The following PLXND1 variants were observed in gnomAD, a reference collection of about 807,000 sequenced individuals.
PLXND1 encodes the protein plexin-D1.
Under a neutral mutation model 197.7 loss-of-function variants are expected in PLXND1, and 54 were observed. That is an observed-to-expected ratio of 0.27 (90% CI 0.22 to 0.34). PLXND1 has a LOEUF of 0.34. Ranked by LOEUF, PLXND1 falls within the 10% of genes least tolerant of loss-of-function variation. The pLI is 1.00. For missense variants in PLXND1, 2,127 were observed against 2,699.2 expected, an observed-to-expected ratio of 0.79 and a Z score of 4.70; for synonymous variants, 1,180 against 1,161.2, an observed-to-expected ratio of 1.02 and a Z score of -0.33.
intron 12 of PLXND1, 38 bp downstream of exon 12, chr3:129,574,298 G>A: frequency 6.5e-7 from 1 of 1,545,448 alleles, no homozygotes; most frequent in Non-Finnish European, 8.7e-7. Flanking sequence ...CGCCGTGCCG[G>A]AGTGCGGGTG....
chr3:129,585,450 C>G (rs1346046411), intron 5 of PLXND1, among the ~76,000 whole-genome samples: 1 of 152,228 alleles, frequency 6.6e-6, no homozygotes, highest in Non-Finnish European at 1.5e-5. Flanking sequence ...AGACCCAGCC[C>G]CCTGCATTGC....
chr3:129,580,347 C>G (rs978888334), intron 8 of PLXND1, among the ~76,000 whole-genome samples: 1 of 152,216 alleles, frequency 6.6e-6, no homozygotes, highest in African/African-American at 2.4e-5. Flanking sequence ...AGGAGGGGCC[C>G]AGACGGAGTC....
At chr3:129,560,796 G>A in intron 29 of PLXND1, 73 bp from the exon 30 acceptor site, 3 of 915,796 alleles carry the variant, frequency 3.3e-6, no homozygotes, top group Non-Finnish European at 5.5e-6. Flanking sequence ...ACAGAAAGAT[G>A]GAGTGAGAAA....
chr3:129,556,525 C>A, intron 35 of PLXND1, 92 bp downstream of exon 35: 1 of 1,332,476 alleles, frequency 7.5e-7, no homozygotes, highest in East Asian at 2.3e-5. Flanking sequence ...CGAGTGACAT[C>A]CGTCCATTAG....
At chr3:129,573,812 A>G in intron 12 of PLXND1, 67 bp from the exon 13 acceptor site, 3 of 1,544,174 alleles carry the variant, frequency 1.9e-6, no homozygotes, top group Non-Finnish European at 2.6e-6. Context: ...TTCTGCCCAC[A>G]GTCACAGGCA....
rs753430373 is a variant in PLXND1, at chr3:129,559,614, C to T, written c.5297+6G>A. 4 of 1,591,264 alleles carry T rather than the reference C, an allele frequency of 2.5e-6. No individual in the cohort carries two copies. The highest frequency in any genetic ancestry group is 2.2e-5 in the East Asian group (1 of 44,582). Reference sequence around the variant, plus strand: ...GTGAAGTCCACACGGCCCCCCCACCCGCCACCTGTTGGTCTTCCAGATGTG... The same window carrying T: ...GTGAAGTCCACACGGCCCCCCCACCTGCCACCTGTTGGTCTTCCAGATGTG... On this transcript the variant is annotated splice_donor_region_variant and intron_variant, in intron 32 of 35. Coordinates refer to ENST00000324093, the MANE Select transcript of PLXND1 (RefSeq NM_015103.3).
chr3:129,584,071 C>A, intron 7 of PLXND1, 54 bp downstream of exon 7: 1 of 1,184,924 alleles, frequency 8.4e-7, no homozygotes, highest in Non-Finnish European at 1.2e-6. Flanking sequence ...AGACCCTTCC[C>A]GGGGATGCGT....
intron 19 of PLXND1, among the ~76,000 whole-genome samples, chr3:129,570,498 G>T (rs1044432416): frequency 2.0e-5 from 3 of 152,192 alleles, no homozygotes; most frequent in Non-Finnish European, 4.4e-5. Flanking sequence ...ATGGTGCCTG[G>T]CAGCCCAGGC....
Position 129,572,844 on chromosome 3 carries a change from C to G in PLXND1, c.2935G>C (p.Val979Leu). Residue 979 changes from valine to leucine, a missense_variant and splice_region_variant, in exon 14 of 36, where the codon GTG becomes CTG. Around this residue, in one of 6 missense-constraint regions of PLXND1, gnomAD observed 1,095 missense variants for 1,259.8 expected, o/e 0.87. Coordinates refer to ENST00000324093, the MANE Select transcript of PLXND1 (RefSeq NM_015103.3). ...EGKSRDRFSYVLPLVHSLEPT... is the reference protein window; with the variant it reads ...EGKSRDRFSYLLPLVHSLEPT... ...AGTGGGCTGCAGCCCCCCCTTACCA[C>G]GTAGGAGAAGCGGTCCCGGGACTTG... 6.2e-7 allele frequency: 1 copy of G among 1,613,660 alleles called. No homozygotes were observed. The highest frequency in any genetic ancestry group is 8.5e-7 in the Non-Finnish European group (1 of 1,179,770).
Position 129,556,602 on chromosome 3 carries a change from C to T in PLXND1, c.5661+15G>A, listed in dbSNP as rs766616101. ...ACCTACCCCGAGGGCAGGTGCCTCACCCTGGGGCACTCACCTGCGGCCGAT... is the reference window on the plus strand; with the variant it reads ...ACCTACCCCGAGGGCAGGTGCCTCATCCTGGGGCACTCACCTGCGGCCGAT... On this transcript the variant is annotated intron_variant, in intron 35 of 35. Transcript: ENST00000324093. The T allele has an allele frequency of 2.1e-5, 34 of 1,598,772 alleles. No homozygotes were observed. The African/African-American group carries it at 2.9e-4, about 14-fold the overall frequency.
rs1002235087 is a variant in PLXND1 at position 129,555,581 on chromosome 3, T to TG, written c.*730_*731insC. 24 of 647,036 alleles carry TG rather than the reference T, an allele frequency of 3.7e-5. No homozygotes were observed. The African/African-American group carries it at 4.5e-4, about 12-fold the overall frequency. 40.1% of individuals were successfully genotyped at this position (647,036 alleles called of 1,614,324 possible). On this transcript the variant is annotated 3_prime_UTR_variant, in exon 36 of 36. Coordinates refer to ENST00000324093, the MANE Select transcript of PLXND1 (RefSeq NM_015103.3). ...AAGTGGTGCTATCTTTAGAAACACT[T>TG]TCAGCAAGATCAAGTAGCCCAGCTA...
chr3:129,605,147 C>T (rs2085764778), intron 1 of PLXND1, among the ~76,000 whole-genome samples, 182 bp downstream of exon 1: 1 of 152,176 alleles, frequency 6.6e-6, no homozygotes. Flanking sequence ...ATACAGGCGC[C>T]AGTAGTACCC....
chr3:129,556,594 G>A (rs377761039), intron 35 of PLXND1, 23 bp downstream of exon 35: 133 of 1,581,432 alleles, frequency 8.4e-5, no homozygotes, highest in Middle Eastern at 3.3e-4. Context: ...CCGAGGGCAG[G>A]TGCCTCACCC....
rs148998584 is a variant in PLXND1 at position 129,563,160 on chromosome 3, T to C, written c.4602A>G (p.Thr1534=). ...CACTGAGTGTGTAGCGGGCCTTGCC[T>C]GTGATGGCGTCGATGGAGCCCTTGT... ...QINKGSIDAI[T]GKARYTLSEE... Residue 1534 remains threonine (T), a synonymous_variant, in exon 26 of 36, where the codon ACA becomes ACG. Transcript: ENST00000324093. The C allele has an allele frequency of 6.2e-7, 1 of 1,611,710 alleles. No homozygotes were observed. Among genetic ancestry groups the C allele is most frequent in the Non-Finnish European group, 8.5e-7 (1 of 1,179,134 alleles).
intron 1 of PLXND1, 112 bp from the exon 2 acceptor site, chr3:129,589,639 C>T (rs2085509679): frequency 2.2e-6 from 2 of 930,112 alleles, no homozygotes; most frequent in African/African-American, 3.4e-5. Context: ...AGTCTTGTTC[C>T]TACTTTATAT....
Position 129,606,352 on chromosome 3 carries a change from G to T in PLXND1, c.288C>A (p.Gly96=). The T allele has an allele frequency of 6.8e-7, 1 of 1,469,978 alleles. No homozygotes were observed. The highest frequency in any genetic ancestry group is 1.4e-5 in the South Asian group (1 of 71,994). 91.1% of individuals were successfully genotyped at this position (1,469,978 alleles called of 1,614,324 possible). Residue 96 remains glycine, a synonymous_variant, in exon 1 of 36, where the codon GGC becomes GGA. Transcript: ENST00000324093. The part of the protein sequence containing the change: ...NLSLEAEAAV[G]PVPDSPLCHA... The stretch of plus-strand genomic sequence containing the variant: ...GACACAGCGGGCTGTCGGGCACCGG[G>T]CCCACGGCCGCCTCGGCCTCCAGGC...
intron 32 of PLXND1, 140 bp downstream of exon 32, chr3:129,559,480 T>G: frequency 1.5e-6 from 1 of 648,998 alleles, no homozygotes; most frequent in Non-Finnish European, 2.6e-6. Flanking sequence ...GCTAAGTCAC[T>G]CATCCGAGAA....
chr3:129,589,320 ACCCCCT>A, intron 2 of PLXND1, 25 bp downstream of exon 2: 1 of 343,178 alleles, frequency 2.9e-6, no homozygotes, highest in Non-Finnish European at 5.5e-6. Flanking sequence ...TCCCACCCCC[ACCCCCT>A]CCCCACATCC....
intron 8 of PLXND1, among the ~76,000 whole-genome samples, chr3:129,581,079 C>T (rs577508574): frequency 7.2e-5 from 11 of 152,284 alleles, no homozygotes; most frequent in African/African-American, 1.7e-4. Context: ...ACAATGGGAA[C>T]GTGACAGGAG....
Sources: allele counts gnomAD v4.1 joint callset (sites outside exome capture counted in the v4.1 genomes callset), GRCh38; gene constraint gnomAD v4.1.1; regional missense constraint gnomAD v4.1.1; transcripts MANE v1.5; gene names NCBI Gene and HGNC (gene_info 2026-07-23, HGNC 2026-07-21).